The following BRD10 variants were observed in gnomAD, a reference collection of about 807,000 sequenced individuals.
The protein encoded by BRD10 is bromodomain containing 10, also known as uncharacterized bromodomain-containing protein 10.
At chr9:5,920,591 T>G in the BRD10 span, 1 of 1,613,884 alleles carries the variant, frequency 6.2e-7, no homozygotes, top group African/African-American at 1.3e-5. Flanking sequence ...TTTATTTGTG[T>G]TTACATTTGT....
chr9:5,993,720 G>T, the BRD10 span, among the ~76,000 whole-genome samples: 14 of 152,272 alleles, frequency 9.2e-5, no homozygotes, highest in East Asian at 2.3e-3. Flanking sequence ...CTGTCCTCCT[G>T]TCAGTCCCTC....
chr9:6,008,384 C>G, the BRD10 span: 1 of 852,884 alleles, frequency 1.2e-6, no homozygotes, highest in South Asian at 5.4e-5. Flanking sequence ...AGGGGAGGGG[C>G]AGGGAGAGAA....
chr9:6,000,543 C>A, the BRD10 span, among the ~76,000 whole-genome samples: 1 of 152,038 alleles, frequency 6.6e-6, no homozygotes, highest in Non-Finnish European at 1.5e-5. Flanking sequence ...AATACAAGGG[C>A]ACAAATATAA....
the BRD10 span, chr9:5,968,134 G>T: frequency 6.3e-7 from 1 of 1,581,610 alleles, no homozygotes; most frequent in Non-Finnish European, 8.6e-7. Context: ...TTCTCTGTAA[G>T]TTTTCATTCA....
chr9:5,953,085 AGAATT>A, the BRD10 span, among the ~76,000 whole-genome samples: 1 of 152,212 alleles, frequency 6.6e-6, no homozygotes, highest in African/African-American at 2.4e-5. Context: ...TCTCCAAAAT[AGAATT>A]TTTACTGAAA....
At chr9:5,973,552 G>T in the BRD10 span, among the ~76,000 whole-genome samples, 1 of 152,056 alleles carries the variant, frequency 6.6e-6, no homozygotes. Flanking sequence ...AACTGAAAAG[G>T]AAGAGACAGA....
At chr9:5,890,802 C>G in the BRD10 span, 7 of 152,186 alleles carry the variant, frequency 4.6e-5, no homozygotes, top group East Asian at 1.2e-3. Context: ...ACAGACGACC[C>G]CGTCAGAAAT....
chr9:5,944,846 A>G, the BRD10 span: 2 of 1,200,642 alleles, frequency 1.7e-6, no homozygotes, highest in African/African-American at 1.5e-5. Context: ...ACAATAATAG[A>G]TAGAACTTTT....
the BRD10 span, chr9:5,922,601 G>C: frequency 6.2e-7 from 1 of 1,613,966 alleles, no homozygotes; most frequent in Non-Finnish European, 8.5e-7. Flanking sequence ...ATGTTGTTCT[G>C]TACCTTTCTG....
chr9:5,993,787 T>C, the BRD10 span, among the ~76,000 whole-genome samples: 255 of 152,346 alleles, frequency 1.7e-3, 1 homozygote, highest in Non-Finnish European at 3.3e-3. Flanking sequence ...TTGATCCTTA[T>C]AAATCAGCCT....
chr9:6,001,604 A>G, the BRD10 span, among the ~76,000 whole-genome samples: 2 of 152,226 alleles, frequency 1.3e-5, no homozygotes, highest in African/African-American at 4.8e-5. Flanking sequence ...AATGTTTGTC[A>G]TTGTATCTAC....
At chr9:5,979,461 C>T in the BRD10 span, among the ~76,000 whole-genome samples, 18 of 151,476 alleles carry the variant, frequency 1.2e-4, no homozygotes, top group African/African-American at 2.9e-4. Context: ...TGCAGTGAGT[C>T]GTGATCACAT....
At chr9:5,930,181 T>C in the BRD10 span, among the ~76,000 whole-genome samples, 1 of 89,124 alleles carries the variant, frequency 1.1e-5, no homozygotes, top group Admixed American at 1.2e-4. Context: ...ACATGTTTTC[T>C]TTCTAACAAA....
chr9:5,895,695 G>C, the BRD10 span, among the ~76,000 whole-genome samples: 1 of 152,190 alleles, frequency 6.6e-6, no homozygotes, highest in African/African-American at 2.4e-5. Flanking sequence ...AGGCTGATTG[G>C]GTAGGCCAGG....
At chr9:5,884,278 C>T in the BRD10 span, among the ~76,000 whole-genome samples, 1 of 152,208 alleles carries the variant, frequency 6.6e-6, no homozygotes, top group South Asian at 2.1e-4. Context: ...TCTGGTCAAC[C>T]CATTTTTTTC....
At chr9:5,880,076 T>C in the BRD10 span, among the ~76,000 whole-genome samples, 107,971 of 151,538 alleles carry the variant, frequency 0.71, 38,730 homozygotes, top group Non-Finnish European at 0.76. Flanking sequence ...CACAGCACCA[T>C]GCCCAGCTAA....
chr9:5,884,380 G>A, the BRD10 span, among the ~76,000 whole-genome samples: 1 of 152,130 alleles, frequency 6.6e-6, no homozygotes, highest in Non-Finnish European at 1.5e-5. Flanking sequence ...GCCCAGGACC[G>A]GGGCCTCAGG....
the BRD10 span, chr9:5,919,774 C>G: frequency 2.5e-6 from 4 of 1,613,550 alleles, no homozygotes; most frequent in African/African-American, 4.0e-5. Context: ...ATACAACAAT[C>G]TGAGAGAGAG....
the BRD10 span, among the ~76,000 whole-genome samples, chr9:5,902,222 G>A: frequency 3.3e-5 from 5 of 152,112 alleles, no homozygotes; most frequent in South Asian, 2.1e-4. Flanking sequence ...TTCTTCTTGC[G>A]TGGATTTTGA....
Sources: allele counts gnomAD v4.1 joint callset (sites outside exome capture counted in the v4.1 genomes callset), GRCh38; gene constraint gnomAD v4.1.1; transcripts MANE v1.5; gene names NCBI Gene and HGNC (gene_info 2026-07-23, HGNC 2026-07-21).